NSD1: variants seen among roughly 807,000 people sequenced by gnomAD.
NSD1 encodes the protein nuclear receptor binding SET domain protein 1.
NSD1 carries 26 observed loss-of-function variants against 242.7 expected under a neutral mutation model. That is an observed-to-expected ratio of 0.11 (90% CI 0.08 to 0.15). The LOEUF (loss-of-function observed/expected upper bound fraction) is 0.15. NSD1 is among the 10% of genes least tolerant of loss of function. The pLI is 1.00. For synonymous variants in NSD1, 1,106 were observed against 1,178.1 expected (o/e 0.94, Z 1.25); for missense variants, 2,495 against 3,272.8 (o/e 0.76, Z 5.80).
intron 16 of NSD1, among the ~76,000 whole-genome samples, chr5:177,272,171 A>T (rs1270199143): frequency 2.0e-5 from 3 of 151,544 alleles, no homozygotes; most frequent in Admixed American, 2.0e-4. Flanking sequence ...AAAGAAAGAA[A>T]GAATGAGACT....
intron 5 of NSD1, among the ~76,000 whole-genome samples, chr5:177,232,295 G>GA (rs1301013323): frequency 6.6e-6 from 1 of 152,180 alleles, no homozygotes; most frequent in Non-Finnish European, 1.5e-5. Context: ...TGGTAGTGCC[G>GA]ATTATATAAT....
chr5:177,266,018 G>T, intron 14 of NSD1: 1 of 1,031,672 alleles, frequency 9.7e-7, no homozygotes, highest in Non-Finnish European at 1.5e-6. Context: ...TTTGATGCAA[G>T]ATATATCGAA....
intron 4 of NSD1, among the ~76,000 whole-genome samples, chr5:177,204,499 GA>G (rs1353869313): frequency 6.6e-6 from 1 of 152,056 alleles, no homozygotes; most frequent in Non-Finnish European, 1.5e-5. Context: ...TATTATAAGC[GA>G]GCACCACCAC....
At position 177,230,043 on chromosome 5, in the gene NSD1, C is replaced by T. The variant is rs557946858; in HGVS notation, c.3797-5778C>T. ...ATAGGCATGAGCCACTGCATCCCAC[C>T]CAGGAAACATCTTTTTAAAAATCAT... On this transcript the variant is annotated intron_variant, in intron 5 of 22. Coordinates refer to ENST00000439151, the MANE Select transcript of NSD1 (RefSeq NM_022455.5). Among the ~76,000 whole-genome samples the T allele has an allele frequency of 2.6e-5, 4 of 152,312 alleles. No individual in the cohort carries two copies. The South Asian group carries it at 8.3e-4, about 32-fold the overall frequency.
At chr5:177,292,588 T>G (rs975484566) in intron 22 of NSD1, among the ~76,000 whole-genome samples, 3 of 152,172 alleles carry the variant, frequency 2.0e-5, no homozygotes, top group African/African-American at 7.2e-5. Context: ...AGTAAAGCCT[T>G]TAGGTGGTTC....
intron 5 of NSD1, among the ~76,000 whole-genome samples, chr5:177,226,644 G>T (rs369858909): frequency 2.6e-5 from 4 of 152,050 alleles, no homozygotes; most frequent in Admixed American, 2.6e-4. Flanking sequence ...TGTCTTTGGC[G>T]ATATCTCATA....
chr5:177,135,190 C>A lies in NSD1; in HGVS notation c.87C>A (p.Asp29Glu). The A allele has an allele frequency of 6.2e-7, 1 of 1,614,038 alleles. No individual in the cohort carries two copies. Among genetic ancestry groups the A allele is most frequent in the Non-Finnish European group, 8.5e-7 (1 of 1,179,914 alleles). The change falls in exon 2 of 23, where the codon GAC (aspartate) becomes GAA (glutamate). Residue 29 changes from aspartate (D) to glutamate (E), a missense_variant. Physicochemically the swap from Asp to Glu is conservative, Grantham distance 45. Transcript: ENST00000439151. ...ATTTAGATGCCCCTGAAGACAAGGA[C>A]AGCCCTTTCGGTAATGGTCAATCCA... ...PVNLDAPEDK[D>E]SPFGNGQSNF...
At chr5:177,257,224 C>CTTTTTTTTTTTTTTTTTT in intron 13 of NSD1, 73 bp downstream of exon 13, 1 of 896,776 alleles carries the variant, frequency 1.1e-6, no homozygotes, top group Non-Finnish European at 1.6e-6. Context: ...TTTCTTTTTT[C>CTTTTTTTTTTTTTTTTTT]TTTCTTTTTT....
At chr5:177,244,495 G>A (rs549849210) in intron 9 of NSD1, among the ~76,000 whole-genome samples, 30 of 152,248 alleles carry the variant, frequency 2.0e-4, no homozygotes, top group Non-Finnish European at 4.1e-4. Flanking sequence ...TCTCTAAAGC[G>A]TTACAGAGAG....
At chr5:177,139,862 T>G (rs1470084636) in intron 2 of NSD1, among the ~76,000 whole-genome samples, 2 of 151,436 alleles carry the variant, frequency 1.3e-5, no homozygotes, top group African/African-American at 4.9e-5. Context: ...TAGGATCACT[T>G]GAGGCCAGAA....
At position 177,264,028 on chromosome 5, in the gene NSD1, A is replaced by ATTTTTTTTTTTTTTTTTTTT. The variant is rs61538775; in HGVS notation, c.5147-3527_5147-3508dup. Among the ~76,000 whole-genome samples the ATTTTTTTTTTTTTTTTTTTT allele has an allele frequency of 3.6e-3, 274 of 76,374 alleles. 50 individuals carry two copies. Among genetic ancestry groups the ATTTTTTTTTTTTTTTTTTTT allele is most frequent in the Non-Finnish European group, 5.1e-3 (209 of 40,746 alleles). 50.1% of individuals were successfully genotyped at this position (76,374 alleles called of 152,430 possible). On this transcript the variant is annotated intron_variant, in intron 14 of 22. Coordinates refer to ENST00000439151, the MANE Select transcript of NSD1 (RefSeq NM_022455.5). ...AAGATGCATATGACTCAATGAACCA[A>ATTTTTTTTTTTTTTTTTTTT]TTTTTTTTTTTTTTTTTTTTTTTTT...
rs570547156 is a variant in NSD1, at chr5:177,147,280, A to G, written c.927+11250A>G. On this transcript the variant is annotated intron_variant, in intron 2 of 22. Transcript: ENST00000439151. ...GCCACCATGCCCCACTAATTTTTGTATGTTTTTGTAGAGATGGGGTTTTAC... is the reference window on the plus strand; with the variant it reads ...GCCACCATGCCCCACTAATTTTTGTGTGTTTTTGTAGAGATGGGGTTTTAC... Among the ~76,000 whole-genome samples the G allele has an allele frequency of 2.6e-5, 4 of 151,950 alleles. No homozygotes were observed. In the South Asian group the frequency reaches 8.3e-4, roughly 32 times the overall value.
intron 8 of NSD1, 146 bp downstream of exon 8, chr5:177,240,011 TC>T: frequency 1.6e-6 from 1 of 611,402 alleles, no homozygotes; most frequent in Non-Finnish European, 2.9e-6. Flanking sequence ...ATCTGAGATT[TC>T]CTACATGAAA....
In NSD1 at chr5:177,239,776, C is replaced by A; in HGVS notation, c.4213C>A (p.Gln1405Lys). 1 of 1,608,978 alleles carries A rather than the reference C, an allele frequency of 6.2e-7. No homozygotes were observed. Among genetic ancestry groups the A allele is most frequent in the South Asian group, 1.1e-5 (1 of 90,872 alleles). Residue 1405 changes from glutamine (Q) to lysine (K), a missense_variant, in exon 8 of 23, where the codon CAA becomes AAA. By Grantham distance (53) the Gln-to-Lys change is moderately conservative. Transcript: ENST00000439151. ...TTCAGGAAATTATGAAAGTAAACGTCAAAGAAAACCAACTAAGAAACTTCT... is the reference window on the plus strand; with the variant it reads ...TTCAGGAAATTATGAAAGTAAACGTAAAAGAAAACCAACTAAGAAACTTCT... ...KTPGNYESKRQRKPTKKLLES... is the reference protein window; with the variant it reads ...KTPGNYESKRKRKPTKKLLES...
At chr5:177,171,770 TTGTAG>T (rs1759732373) in intron 2 of NSD1, among the ~76,000 whole-genome samples, 1 of 152,278 alleles carries the variant, frequency 6.6e-6, no homozygotes, top group Non-Finnish European at 1.5e-5. Flanking sequence ...TTTTTGCATG[TTGTAG>T]TGTGTATCAG....
intron 5 of NSD1, among the ~76,000 whole-genome samples, chr5:177,216,670 G>GTTT (rs771087392): frequency 7.9e-6 from 1 of 126,884 alleles, no homozygotes; most frequent in Non-Finnish European, 1.7e-5. Context: ...AGGGATCTCT[G>GTTT]TTTTTTTTTT....
chr5:177,138,154 CA>C (rs1756504139), intron 2 of NSD1, among the ~76,000 whole-genome samples: 2 of 151,540 alleles, frequency 1.3e-5, no homozygotes, highest in Admixed American at 1.3e-4. Context: ...TAGTAGGTTA[CA>C]TGTCTAAAAT....
intron 2 of NSD1, among the ~76,000 whole-genome samples, chr5:177,181,100 G>C (rs1008478321): frequency 2.7e-5 from 4 of 149,396 alleles, no homozygotes; most frequent in African/African-American, 9.9e-5. Context: ...GTGCAGTGGT[G>C]TGATCTCAGC....
intron 20 of NSD1, among the ~76,000 whole-genome samples, chr5:177,287,299 G>A (rs570100074): frequency 7.8e-4 from 119 of 152,282 alleles, no homozygotes; most frequent in African/African-American, 2.7e-3. Context: ...TAAGCACATC[G>A]TATCTATAAA....
Sources: gnomAD v4.1 joint callset for allele counts (sites outside exome capture counted in the v4.1 genomes callset) on GRCh38, gnomAD v4.1.1 for gene constraint, MANE v1.5 for transcripts, NCBI Gene and HGNC (gene_info 2026-07-23, HGNC 2026-07-21) for gene names.